Variants in FASN observed in about 807,000 individuals in gnomAD.
FASN encodes fatty acid synthase, also known as 3-hydroxyacyl-[acyl-carrier-protein] dehydratase.
FASN carries 50 observed loss-of-function variants against 250.0 expected under a neutral mutation model. The ratio of observed to expected loss-of-function variants is 0.20; its 90% CI spans 0.16 to 0.25. FASN has a LOEUF of 0.25. FASN is among the 10% of genes least tolerant of loss of function. The pLI is 1.00. For synonymous variants in FASN, 1,909 were observed against 1,584.0 expected (o/e 1.21, Z -4.87); for missense variants, 3,031 against 3,498.5 (o/e 0.87, Z 3.37).
chr17:82,090,988 T>G lies in FASN; in HGVS notation c.1574A>C (p.Glu525Ala). The change falls in exon 10 of 43, where the codon GAG becomes GCG. Residue 525 changes from glutamate to alanine, a missense_variant. Coordinates refer to ENST00000306749, the MANE Select transcript of FASN (RefSeq NM_004104.5). Reference protein sequence around the residue: ...RFRDSILRSDEAVKPFGLKVS... With the variant: ...RFRDSILRSDAAVKPFGLKVS... ...CTTCAGGCCGAATGGCTTCACAGCC[T>G]CATCGGAGCGTAGGATGGAATCTCG... The G allele has an allele frequency of 6.2e-7, 1 of 1,612,884 alleles. No individual in the cohort carries two copies.
Position 82,087,692 on chromosome 17 carries a change from G to A in FASN, c.3036C>T (p.Ser1012=), listed in dbSNP as rs751818099. Residue 1012 remains serine (S), a synonymous_variant, in exon 19 of 43, where the codon AGC becomes AGT. Transcript: ENST00000306749. Reference sequence around the variant, plus strand: ...AGTGTAGTCAGTACCCACCTTCCAGGCTGGCCTCCAGGATGCCCTGGAAAT... The same window carrying A: ...AGTGTAGTCAGTACCCACCTTCCAGACTGGCCTCCAGGATGCCCTGGAAAT... ...GPHFQGILEA[S]LEGDSGRLLW... 4 of 1,611,424 alleles carry A rather than the reference G, an allele frequency of 2.5e-6. No homozygotes were observed. The highest frequency in any genetic ancestry group is 1.3e-5 in the African/African-American group (1 of 74,940).
Position 82,091,207 on chromosome 17 carries a change from A to T in FASN, c.1492+15T>A. The T allele has an allele frequency of 6.2e-7, 1 of 1,601,562 alleles. No homozygotes were observed. The highest frequency in any genetic ancestry group is 8.5e-7 in the Non-Finnish European group (1 of 1,177,172). ...CCAGGGAAGGGACCACCTTGGGGGC[A>T]GAGTGTGGGCTCACCAGAGCAGATG... On this transcript the variant is annotated intron_variant, in intron 9 of 42. Transcript: ENST00000306749.
In FASN at chr17:82,089,141, C is replaced by T. The variant is rs758833166; in HGVS notation, c.2132G>A (p.Arg711His). 8.9e-6 allele frequency: 14 copies of T among 1,568,456 alleles called. No homozygotes were observed. Among genetic ancestry groups the T allele is most frequent in the Admixed American group, 1.9e-5 (1 of 53,450 alleles). ...CTCGGGGATAGAGGTGCTGAGCCAG[C>T]GGGCTGAACGTGGCTTCGGCTCCCG... ...VIREPKPRSARWLSTSIPEAQ... is the reference protein window; with the variant it reads ...VIREPKPRSAHWLSTSIPEAQ... The change falls in exon 14 of 43, where the codon CGC (arginine) becomes CAC (histidine). Residue 711 changes from arginine (R) to histidine (H), a missense_variant. By Grantham distance (29) the Arg-to-His change is conservative (BLOSUM62 0). Coordinates refer to ENST00000306749, the MANE Select transcript of FASN (RefSeq NM_004104.5).
In FASN at chr17:82,078,548, C is replaced by G. The variant is rs2033930861; in HGVS notation, c.*595G>C. On this transcript the variant is annotated 3_prime_UTR_variant, in exon 43 of 43. Coordinates refer to ENST00000306749, the MANE Select transcript of FASN (RefSeq NM_004104.5). The surrounding 1 kb of genome is among the most constrained non-coding windows in gnomAD (Gnocchi z 5.4). ...GGCGCCGGGCATAAGGGCAGCACCC[C>G]ACGGGTGGCTGTGCGGGGGGCCGCT... 1 of 164,554 alleles carries G rather than the reference C, an allele frequency of 6.1e-6. No homozygotes were observed. The highest frequency in any genetic ancestry group is 1.3e-5 in the Non-Finnish European group (1 of 75,796). The allele number at this position is 164,554 out of a possible 1,614,324, so 10.2% of individuals were successfully genotyped here.
Position 82,087,258 on chromosome 17 carries a change from G to A in FASN, c.3224-5C>T. 6.2e-7 allele frequency: 1 copy of A among 1,606,630 alleles called. No individual in the cohort carries two copies. Among genetic ancestry groups the A allele is most frequent in the Non-Finnish European group, 8.5e-7 (1 of 1,177,700 alleles). ...TGCTCACCACCACGTCAGCCACTGT[G>A]GGGACAGGCTGGGTGAGTGCGGCAT... On this transcript the variant is annotated splice_polypyrimidine_tract_variant and splice_region_variant and intron_variant, in intron 20 of 42. Transcript: ENST00000306749.
At position 82,083,507 on chromosome 17, in the gene FASN, C is replaced by G; in HGVS notation, c.5341+10G>C. Reference sequence around the variant, plus strand: ...CATGCCCACCCCCGCCCAGGCGCTGCCGGCCTCACCGAGCGGGTGGTTCTG... The same window carrying G: ...CATGCCCACCCCCGCCCAGGCGCTGGCGGCCTCACCGAGCGGGTGGTTCTG... On this transcript the variant is annotated intron_variant, in intron 31 of 42. Transcript: ENST00000306749. 2 of 1,612,788 alleles carry G rather than the reference C, an allele frequency of 1.2e-6. No individual in the cohort carries two copies. The highest frequency in any genetic ancestry group is 1.7e-6 in the Non-Finnish European group (2 of 1,179,992).
chr17:82,081,021 G>A (rs1188638261), intron 38 of FASN, 99 bp from the exon 39 acceptor site: 22 of 1,396,744 alleles, frequency 1.6e-5, no homozygotes, highest in South Asian at 1.1e-4. Flanking sequence ...ACGGTGCTAC[G>A]TCAGGTGGGA....
At position 82,086,452 on chromosome 17, in the gene FASN, C is replaced by T; in HGVS notation, c.3534G>A (p.Leu1178=). 1.2e-6 allele frequency: 2 copies of T among 1,612,300 alleles called. No homozygotes were observed. The highest frequency in any genetic ancestry group is 1.7e-6 in the Non-Finnish European group (2 of 1,179,936). The change falls in exon 22 of 43, where the codon CTG becomes CTA. Residue 1178 remains leucine, a synonymous_variant. Transcript: ENST00000306749. The stretch of plus-strand genomic sequence containing the variant: ...TGCAGGCAGCCGACAACAGCCGGGG[C>T]AGTTCCTGCTGTGAGGGGTCCCGGG... ...QIPRDPSQQE[L]PRLLSAACRL...
intron 7 of FASN, 32 bp downstream of exon 7, chr17:82,092,665 G>A (rs762260725): frequency 6.4e-7 from 1 of 1,554,028 alleles, no homozygotes; most frequent in Non-Finnish European, 8.7e-7. Flanking sequence ...GGCTCATGGG[G>A]TGGTGAGTGG....
In FASN at chr17:82,080,295, G is replaced by A. The variant is rs541213604; in HGVS notation, c.7048-57C>T. Reference sequence around the variant, plus strand: ...GAAGGGGCGGGGCCTCCTAAGCGACGGTCCCCCAAAGCCAGGGCACAGGTG... The same window carrying A: ...GAAGGGGCGGGGCCTCCTAAGCGACAGTCCCCCAAAGCCAGGGCACAGGTG... On this transcript the variant is annotated intron_variant, in intron 40 of 42. Coordinates refer to ENST00000306749, the MANE Select transcript of FASN (RefSeq NM_004104.5). 1,037 of 1,610,888 alleles carry A rather than the reference G, an allele frequency of 6.4e-4. 1 individual carries two copies. Among genetic ancestry groups the A allele is most frequent in the Admixed American group, 2.1e-3 (125 of 59,938 alleles).
In FASN at chr17:82,084,612, T is replaced by C. The variant is rs745910134; in HGVS notation, c.4669A>G (p.Thr1557Ala). Residue 1557 changes from threonine to alanine, a missense_variant, in exon 27 of 43, where the codon ACC becomes GCC. Coordinates refer to ENST00000306749, the MANE Select transcript of FASN (RefSeq NM_004104.5). ...GTGCAGAGCTGGGCGCCAGGGCAGG[T>C]GGGCTGGGCATGGCGCAGCGAGGAG... ...VCSSLRHAQP[T>A]CPGAQLCTVY... The C allele has an allele frequency of 6.2e-7, 1 of 1,608,424 alleles. No individual in the cohort carries two copies. Among genetic ancestry groups the C allele is most frequent in the African/African-American group, 1.3e-5 (1 of 74,886 alleles).
rs755847216 is a variant in FASN, at chr17:82,083,113, C to T, written c.5568G>A (p.Val1856=). ...GKHIGKVVVQ[V]LAEEPEAVLK... is the part of the protein sequence containing the mutation. ...GCACTGCCTCCGGCTCCTCCGCAAG[C>T]ACCTGCGTCCAAGCAGCACCCACCG... The change falls in exon 33 of 43, where the codon GTG becomes GTA. Residue 1856 remains valine (V), a splice_region_variant and synonymous_variant. Coordinates refer to ENST00000306749, the MANE Select transcript of FASN (RefSeq NM_004104.5). 1.2e-6 allele frequency: 2 copies of T among 1,610,116 alleles called. No individual in the cohort carries two copies. Among genetic ancestry groups the T allele is most frequent in the Non-Finnish European group, 1.7e-6 (2 of 1,179,966 alleles).
rs757508760 is a variant in FASN, at chr17:82,095,305, G to C, written c.280+15C>G. The C allele has an allele frequency of 1.2e-6, 2 of 1,612,620 alleles. No individual in the cohort carries two copies. Among genetic ancestry groups the C allele is most frequent in the Non-Finnish European group, 1.7e-6 (2 of 1,179,860 alleles). Reference sequence around the variant, plus strand: ...CAGGAGCCCTCGGCGCAGCAGTCGCGAATGCCCGACCCACCTCCGTCCACG... The same window carrying C: ...CAGGAGCCCTCGGCGCAGCAGTCGCCAATGCCCGACCCACCTCCGTCCACG... On this transcript the variant is annotated intron_variant, in intron 3 of 42. Transcript: ENST00000306749.
Position 82,081,169 on chromosome 17 carries a change from G to T in FASN, c.6590C>A (p.Ala2197Asp). ...LQELSSKADE[A>D]SELACPTPKE... ...GCCTGGCCACCCACACGCACCGCTGGCCTCATCCGCCTTTGAGGACAGCTC... is the reference window on the plus strand; with the variant it reads ...GCCTGGCCACCCACACGCACCGCTGTCCTCATCCGCCTTTGAGGACAGCTC... Residue 2197 changes from alanine (A) to aspartate (D), a missense_variant, in exon 38 of 43, where the codon GCC (alanine) becomes GAC (aspartate). Ala to Asp is a moderately radical substitution (Grantham distance 126). Coordinates refer to ENST00000306749, the MANE Select transcript of FASN (RefSeq NM_004104.5). 2 of 1,581,838 alleles carry T rather than the reference G, an allele frequency of 1.3e-6. No individual in the cohort carries two copies. Among genetic ancestry groups the T allele is most frequent in the Non-Finnish European group, 1.7e-6 (2 of 1,165,268 alleles).
chr17:82,096,183 G>C, intron 2 of FASN, 136 bp downstream of exon 2: 2 of 1,395,090 alleles, frequency 1.4e-6, no homozygotes, highest in East Asian at 2.3e-5. Flanking sequence ...TGGGTGACCA[G>C]TGGCTCTGCA....
chr17:82,093,361 G>A lies in FASN; in HGVS notation c.513C>T (p.Ala171=), dbSNP rs771336108. ...ACTGCCCGCTGTGGATGGCCTGGTAGGCGTTCTGCAGGGCCATCAGGCTGG... is the reference window on the plus strand; with the variant it reads ...ACTGCCCGCTGTGGATGGCCTGGTAAGCGTTCTGCAGGGCCATCAGGCTGG... ...CSSSLMALQN[A]YQAIHSGQCP... The change falls in exon 5 of 43, where the codon GCC becomes GCT. Residue 171 remains alanine (A), a synonymous_variant. Transcript: ENST00000306749. The A allele has an allele frequency of 6.2e-7, 1 of 1,603,842 alleles. No homozygotes were observed. The highest frequency in any genetic ancestry group is 8.5e-7 in the Non-Finnish European group (1 of 1,176,976).
chr17:82,084,421 C>G (rs1383344877), intron 27 of FASN, 37 bp from the exon 28 acceptor site: 2 of 1,590,734 alleles, frequency 1.3e-6, no homozygotes, highest in Non-Finnish European at 1.7e-6. Flanking sequence ...ACCGCCTGCC[C>G]TTCCCTCCCG....
At chr17:82,097,072 G>A (rs1376549784) in intron 1 of FASN, among the ~76,000 whole-genome samples, 1 of 152,194 alleles carries the variant, frequency 6.6e-6, no homozygotes, top group African/African-American at 2.4e-5. Context: ...GGGGAGGGAC[G>A]AAATGGGGAT....
chr17:82,086,991 G>A (rs2034115612), intron 21 of FASN, 59 bp downstream of exon 21: 2 of 1,574,062 alleles, frequency 1.3e-6, no homozygotes, highest in Admixed American at 1.7e-5. Context: ...TCAACGTGAG[G>A]GGAGGCGATC....
Sources: gnomAD v4.1 joint callset for allele counts (sites outside exome capture counted in the v4.1 genomes callset) on GRCh38, gnomAD v4.1.1 for gene constraint, Gnocchi (gnomAD v3.1) non-coding constraint, MANE v1.5 for transcripts, NCBI Gene and HGNC (gene_info 2026-07-23, HGNC 2026-07-21) for gene names.